ARHGEF17: variants seen among roughly 807,000 people sequenced by gnomAD.
ARHGEF17 encodes the protein Rho guanine nucleotide exchange factor 17, also known as 164 kDa Rho-specific guanine-nucleotide exchange factor.
ARHGEF17 carries 80 observed loss-of-function variants against 174.0 expected under a neutral mutation model. That is an observed-to-expected ratio of 0.46 (90% CI 0.38 to 0.55). The LOEUF (loss-of-function observed/expected upper bound fraction) is 0.55, where lower values mean the gene tolerates loss of function less well. Ranked by LOEUF, ARHGEF17 falls within the 20% of genes least tolerant of loss-of-function variation. The pLI is 0.00. For synonymous variants in ARHGEF17, 1,311 were observed against 1,189.1 expected (o/e 1.10, Z -2.11); for missense variants, 2,886 against 2,839.7 (o/e 1.02, Z -0.37).
intron 1 of ARHGEF17, among the ~76,000 whole-genome samples, chr11:73,325,568 A>T (rs1237151419): frequency 6.6e-6 from 1 of 151,976 alleles, no homozygotes; most frequent in Admixed American, 6.6e-5. Flanking sequence ...TCTCTCTCTC[A>T]CTTTCTCACT....
In ARHGEF17 at chr11:73,362,697, C is replaced by G. The variant is rs762272972; in HGVS notation, c.4959C>G (p.Ser1653Arg). The G allele has an allele frequency of 1.9e-6, 3 of 1,607,164 alleles. No individual in the cohort carries two copies. The highest frequency in any genetic ancestry group is 2.5e-6 in the Non-Finnish European group (3 of 1,178,100). Residue 1653 changes from serine (S) to arginine (R), a missense_variant, in exon 14 of 21, where the codon AGC (serine) becomes AGG (arginine). By Grantham distance (110) the Ser-to-Arg change is moderately radical. Around this residue, in one of 4 missense-constraint regions of ARHGEF17, gnomAD observed 476 missense variants for 473.1 expected, o/e 1.01. Transcript: ENST00000263674. ...CCAGCCCCTCGGGGACGCTGCAGAG[C>G]CAGGCCAGCCGGTCCACCATCTCCT... Reference protein sequence around the residue: ...SSPSPSGTLQSQASRSTISSS... With the variant: ...SSPSPSGTLQRQASRSTISSS...
In ARHGEF17 at chr11:73,309,244, G is replaced by A; in HGVS notation, c.606G>A (p.Gln202=). 3 of 1,605,702 alleles carry A rather than the reference G, an allele frequency of 1.9e-6. No homozygotes were observed. Among genetic ancestry groups the A allele is most frequent in the Admixed American group, 3.4e-5 (2 of 59,340 alleles). Residue 202 remains glutamine, a synonymous_variant, in exon 1 of 21, where the codon CAG becomes CAA. Coordinates refer to ENST00000263674, the MANE Select transcript of ARHGEF17 (RefSeq NM_014786.4). ...ETEGRLRRPQ[Q]QQERAQRPAD... ...AAGGGAGGCTGCGCCGGCCGCAGCA[G>A]CAACAGGAGCGGGCGCAGCGTCCAG...
In ARHGEF17 at chr11:73,323,593, C is replaced by G. The variant is rs568984378; in HGVS notation, c.3192+11763C>G. ...CTGAGCGGAAAGCCTGCTTCCCTGTCAGATGCCTGAGCGCCCTCCCAGCTC... is the reference window on the plus strand; with the variant it reads ...CTGAGCGGAAAGCCTGCTTCCCTGTGAGATGCCTGAGCGCCCTCCCAGCTC... On this transcript the variant is annotated intron_variant, in intron 1 of 20. Coordinates refer to ENST00000263674, the MANE Select transcript of ARHGEF17 (RefSeq NM_014786.4). Among the ~76,000 whole-genome samples, 3 of 152,332 alleles carry G rather than the reference C, an allele frequency of 2.0e-5. No homozygotes were observed. The South Asian group carries it at 6.2e-4, about 32-fold the overall frequency.
At position 73,308,668 on chromosome 11, in the gene ARHGEF17, T is replaced by C. The variant is rs766680502; in HGVS notation, c.30T>C (p.Leu10=). ...CGGACGGGGCACCCCGGCCCCAGCT[T>C]TACCGCAGCGTCTCGTTCAAGCTGC... MADGAPRPQ[L]YRSVSFKLLE... The change falls in exon 1 of 21, where the codon CTT becomes CTC. Residue 10 remains leucine, a synonymous_variant. Coordinates refer to ENST00000263674, the MANE Select transcript of ARHGEF17 (RefSeq NM_014786.4). The C allele has an allele frequency of 2.0e-6, 3 of 1,517,348 alleles. No individual in the cohort carries two copies. In the South Asian group the frequency reaches 3.7e-5, roughly 19 times the overall value. 94.0% of individuals were successfully genotyped at this position (1,517,348 alleles called of 1,614,324 possible). A position where few individuals can be genotyped will look rare whatever the true frequency, so the allele number is the denominator to read the frequency against.
chr11:73,346,336 C>G (rs189502168), intron 1 of ARHGEF17, among the ~76,000 whole-genome samples: 2 of 152,310 alleles, frequency 1.3e-5, no homozygotes, highest in East Asian at 3.9e-4. Context: ...AACCCTGATA[C>G]TGCCCAGCTG....
intron 12 of ARHGEF17, among the ~76,000 whole-genome samples, chr11:73,361,757 G>T (rs998115099): frequency 2.6e-5 from 4 of 152,054 alleles, no homozygotes; most frequent in African/African-American, 9.7e-5. Context: ...AGGAGGCTGA[G>T]GTGGGAGGAT....
intron 1 of ARHGEF17, among the ~76,000 whole-genome samples, chr11:73,341,625 A>G (rs374036926): frequency 1.3e-5 from 2 of 152,208 alleles, no homozygotes; most frequent in African/African-American, 4.8e-5. Context: ...ACTGGTCTTA[A>G]AGGAAAAGAA....
intron 9 of ARHGEF17, among the ~76,000 whole-genome samples, chr11:73,359,017 T>A (rs1476032098): frequency 1.3e-5 from 2 of 152,204 alleles, no homozygotes; most frequent in Non-Finnish European, 1.5e-5. Context: ...CCCACGGGGT[T>A]CTTGGTCACA....
chr11:73,361,174 C>T lies in ARHGEF17; in HGVS notation c.4494+13C>T. The T allele has an allele frequency of 6.2e-7, 1 of 1,613,114 alleles. No homozygotes were observed. The highest frequency in any genetic ancestry group is 2.2e-5 in the East Asian group (1 of 44,886). ...CAGTGGCATGCAGGTATGTCTGCAT[C>T]TGGGTCACTTGGGTACATGTTTTCA... On this transcript the variant is annotated intron_variant, in intron 12 of 20. Transcript: ENST00000263674.
At chr11:73,342,802 G>A (rs1195468865) in intron 1 of ARHGEF17, 1 of 151,984 alleles carries the variant, frequency 6.6e-6, no homozygotes, top group Admixed American at 6.6e-5. Context: ...GGACGCTGCC[G>A]CGTGGGGGAA....
chr11:73,346,780 C>G (rs1157301499), intron 1 of ARHGEF17, 103 bp from the exon 2 acceptor site: 1 of 915,088 alleles, frequency 1.1e-6, no homozygotes, highest in African/African-American at 1.7e-5. Context: ...GCCAGGAGGG[C>G]AGGGAGAGGG....
In ARHGEF17 at chr11:73,360,094, C is replaced by A. The variant is rs1248345845; in HGVS notation, c.4206+142C>A. 5 of 933,192 alleles carry A rather than the reference C, an allele frequency of 5.4e-6. No individual in the cohort carries two copies. In the South Asian group the frequency reaches 6.7e-5, roughly 13 times the overall value. The allele number at this position is 933,192 out of a possible 1,614,324, so 57.8% of individuals were successfully genotyped here. ...GAAGGCAAAAATCGCAGCCTCCCTG[C>A]GTATGGGGGAAGTAACATGTTCCAG... On this transcript the variant is annotated intron_variant, in intron 10 of 20. Coordinates refer to ENST00000263674, the MANE Select transcript of ARHGEF17 (RefSeq NM_014786.4).
chr11:73,325,958 T>C (rs1865095096), intron 1 of ARHGEF17, among the ~76,000 whole-genome samples: 1 of 152,266 alleles, frequency 6.6e-6, no homozygotes, highest in Non-Finnish European at 1.5e-5. Flanking sequence ...GAGCCCTGAC[T>C]GCACAGATGC....
chr11:73,310,769 A>G lies in ARHGEF17; in HGVS notation c.2131A>G (p.Lys711Glu), dbSNP rs987216909. ...ACCAGGTGCCCTCCGCCGACGACGCAAAGTCCCACCTTCAGGTTCTGGTGG... is the reference window on the plus strand; with the variant it reads ...ACCAGGTGCCCTCCGCCGACGACGCGAAGTCCCACCTTCAGGTTCTGGTGG... ...PTPGALRRRR[K>E]VPPSGSGGSE... The change falls in exon 1 of 21, where the codon AAA becomes GAA. Residue 711 changes from lysine (K) to glutamate (E), a missense_variant. Physicochemically the swap from Lys to Glu is moderately conservative, Grantham distance 56. Coordinates refer to ENST00000263674, the MANE Select transcript of ARHGEF17 (RefSeq NM_014786.4). The G allele has an allele frequency of 2.5e-6, 4 of 1,611,584 alleles. No homozygotes were observed. Among genetic ancestry groups the G allele is most frequent in the Admixed American group, 1.7e-5 (1 of 59,990 alleles).
intron 1 of ARHGEF17, among the ~76,000 whole-genome samples, chr11:73,333,390 G>A (rs915731530): frequency 2.6e-5 from 4 of 152,254 alleles, no homozygotes; most frequent in African/African-American, 9.6e-5. Context: ...GCACTCACAC[G>A]TAACTATCGC....
chr11:73,341,093 G>A (rs963606677), intron 1 of ARHGEF17, among the ~76,000 whole-genome samples: 5 of 152,174 alleles, frequency 3.3e-5, no homozygotes, highest in African/African-American at 9.7e-5. Context: ...GGACAAGGAC[G>A]CTGCCCTCAG....
chr11:73,309,125 C>A lies in ARHGEF17; in HGVS notation c.487C>A (p.Arg163=). The A allele has an allele frequency of 6.4e-7, 1 of 1,571,304 alleles. No homozygotes were observed. The highest frequency in any genetic ancestry group is 8.6e-7 in the Non-Finnish European group (1 of 1,161,344). The change falls in exon 1 of 21, where the codon CGG becomes AGG. Residue 163 remains arginine, a synonymous_variant. Transcript: ENST00000263674. ...PDGAAWEPPA[R]ESRQPPTPPP... is the part of the protein sequence containing the mutation. ...CGGTGCCGCGTGGGAGCCTCCGGCTCGGGAGTCGCGGCAGCCACCGACGCC... is the reference window on the plus strand; with the variant it reads ...CGGTGCCGCGTGGGAGCCTCCGGCTAGGGAGTCGCGGCAGCCACCGACGCC...
chr11:73,327,191 C>A (rs1475443114), intron 1 of ARHGEF17, among the ~76,000 whole-genome samples: 1 of 152,128 alleles, frequency 6.6e-6, no homozygotes, highest in Admixed American at 6.5e-5. Flanking sequence ...TGGGAAAATC[C>A]TGCCTGCCCC....
intron 9 of ARHGEF17, among the ~76,000 whole-genome samples, chr11:73,359,509 C>T (rs1027439567): frequency 4.6e-5 from 7 of 152,218 alleles, no homozygotes; most frequent in Non-Finnish European, 2.9e-5. Flanking sequence ...GCTGCAACGC[C>T]GCAGCAGTTC....
Sources: gnomAD v4.1 joint callset for allele counts (sites outside exome capture counted in the v4.1 genomes callset) on GRCh38, gnomAD v4.1.1 for gene constraint, gnomAD v4.1.1 regional missense constraint, MANE v1.5 for transcripts, NCBI Gene and HGNC (gene_info 2026-07-23, HGNC 2026-07-21) for gene names.